Variants in TSHZ1 observed in about 807,000 individuals in gnomAD.
TSHZ1 encodes teashirt homolog 1.
In TSHZ1, 12 loss-of-function variants were observed where a neutral mutation model predicts 67.1. The observed-to-expected ratio is 0.18, with a 90% confidence interval of 0.11 to 0.29. The LOEUF is 0.29. Ranked by LOEUF, TSHZ1 falls within the 10% of genes least tolerant of loss-of-function variation. TSHZ1 has a pLI of 1.00. For synonymous variants in TSHZ1, 632 were observed against 622.4 expected, an observed-to-expected ratio of 1.02 and a Z score of -0.23; for missense variants, 1,305 against 1,413.9, an observed-to-expected ratio of 0.92 and a Z score of 1.23.
intron 1 of TSHZ1, among the ~76,000 whole-genome samples, chr18:75,278,519 T>A (rs2122608418): frequency 6.6e-6 from 1 of 152,276 alleles, no homozygotes; most frequent in Non-Finnish European, 1.5e-5. Context: ...ATTCTGGCCC[T>A]GGGATCTGGT....
intron 1 of TSHZ1, among the ~76,000 whole-genome samples, chr18:75,226,563 T>G (rs2022928279): frequency 6.6e-6 from 1 of 151,948 alleles, no homozygotes; most frequent in South Asian, 2.1e-4. Flanking sequence ...GTTCAATCTG[T>G]TTTTCAACTT....
At chr18:75,256,955 C>T (rs989285509) in intron 1 of TSHZ1, among the ~76,000 whole-genome samples, 4 of 152,090 alleles carry the variant, frequency 2.6e-5, no homozygotes, top group African/African-American at 9.7e-5. Context: ...TTATGATACA[C>T]TTATGGGGAA....
Position 75,226,046 on chromosome 18 carries a change from G to A in TSHZ1, c.40+14130G>A, listed in dbSNP as rs143331854. Among the ~76,000 whole-genome samples, 161 of 152,282 alleles carry A rather than the reference G, an allele frequency of 1.1e-3. 1 individual carries two copies. The highest frequency in any genetic ancestry group is 1.9e-3 in the Non-Finnish European group (126 of 68,022). ...CCCTTAGCAGGCATCAGATTCAAAC[G>A]ATGCAACTCAGTAGGTGTGGGGGCA... On this transcript the variant is annotated intron_variant, in intron 1 of 1. Transcript: ENST00000580243.
chr18:75,278,866 G>T (rs780370373), intron 1 of TSHZ1, among the ~76,000 whole-genome samples: 5 of 152,186 alleles, frequency 3.3e-5, no homozygotes, highest in Non-Finnish European at 7.4e-5. Context: ...AATGATGCGA[G>T]GAAGAGGGTA....
intron 1 of TSHZ1, among the ~76,000 whole-genome samples, chr18:75,274,315 C>T (rs532769208): frequency 2.0e-5 from 3 of 152,214 alleles, no homozygotes; most frequent in South Asian, 4.2e-4. Context: ...TTCAAGCTTA[C>T]TCATTCATCA....
chr18:75,269,559 AC>A (rs2023532907), intron 1 of TSHZ1, among the ~76,000 whole-genome samples: 1 of 151,944 alleles, frequency 6.6e-6, no homozygotes, highest in African/African-American at 2.4e-5. Context: ...AGCAGAGCTG[AC>A]TCCACAGAGG....
chr18:75,218,299 GC>G (rs2022799490), intron 1 of TSHZ1, among the ~76,000 whole-genome samples: 1 of 152,204 alleles, frequency 6.6e-6, no homozygotes. Flanking sequence ...CATTTTTCCA[GC>G]CCAGCTGTCT....
chr18:75,233,346 G>A (rs1391638280), intron 1 of TSHZ1, among the ~76,000 whole-genome samples: 1 of 152,106 alleles, frequency 6.6e-6, no homozygotes, highest in African/African-American at 2.4e-5. Context: ...ACTTTACTTA[G>A]GAAAAACCTG....
intron 1 of TSHZ1, among the ~76,000 whole-genome samples, chr18:75,273,298 T>C (rs2023579447): frequency 6.6e-6 from 1 of 152,164 alleles, no homozygotes; most frequent in Non-Finnish European, 1.5e-5. Context: ...TTGTGCATAA[T>C]TGGGGTACAG....
chr18:75,267,693 G>A (rs1199446511), intron 1 of TSHZ1, among the ~76,000 whole-genome samples: 2 of 152,224 alleles, frequency 1.3e-5, no homozygotes, highest in African/African-American at 4.8e-5. Context: ...AAGAGGAAGA[G>A]AGACCTTTCG....
At chr18:75,246,319 G>A (rs561700067) in intron 1 of TSHZ1, among the ~76,000 whole-genome samples, 13 of 152,086 alleles carry the variant, frequency 8.5e-5, no homozygotes, top group African/African-American at 2.9e-4. Flanking sequence ...AGTGGGAAGC[G>A]TCTCTTCTCA....
chr18:75,276,669 A>G (rs1246875713), intron 1 of TSHZ1, among the ~76,000 whole-genome samples: 3 of 152,234 alleles, frequency 2.0e-5, no homozygotes, highest in Non-Finnish European at 4.4e-5. Flanking sequence ...GAGTAAATGT[A>G]TTTTGATATA....
intron 1 of TSHZ1, among the ~76,000 whole-genome samples, chr18:75,256,907 A>T (rs1042345163): frequency 5.9e-5 from 9 of 152,202 alleles, no homozygotes; most frequent in Non-Finnish European, 1.2e-4. Flanking sequence ...TTATGTTTTA[A>T]TCTTTAAGTT....
chr18:75,228,570 A>G (rs1422637308), intron 1 of TSHZ1, among the ~76,000 whole-genome samples: 1 of 152,238 alleles, frequency 6.6e-6, no homozygotes, highest in Non-Finnish European at 1.5e-5. Context: ...CTGTGGGGAG[A>G]ACGCACAGTT....
At chr18:75,215,889 T>C (rs1362606805) in intron 1 of TSHZ1, among the ~76,000 whole-genome samples, 4 of 152,114 alleles carry the variant, frequency 2.6e-5, no homozygotes, top group African/African-American at 4.8e-5. Context: ...TTTTGTCAGC[T>C]ACTTAAGGCT....
At position 75,287,172 on chromosome 18, in the gene TSHZ1, G is replaced by A. The variant is rs200629224; in HGVS notation, c.1765G>A (p.Val589Met). The A allele has an allele frequency of 6.8e-6, 11 of 1,613,746 alleles. No individual in the cohort carries two copies. Among genetic ancestry groups the A allele is most frequent in the Admixed American group, 6.7e-5 (4 of 60,018 alleles). Residue 589 changes from valine to methionine, a missense_variant, in exon 2 of 2, where the codon GTG becomes ATG. This residue lies in a region of TSHZ1 where 909 missense variants were observed against 961.8 expected (regional missense o/e 0.95). Transcript: ENST00000580243. The surrounding 1 kb of genome is among the most constrained non-coding windows in gnomAD (Gnocchi z 5.0). ...TGCAGCCTACCAGCTCCCGGGCACC[G>A]TGAAGCCACTGCCGGCGGCCGTGCA... ...IHAAYQLPGT[V>M]KPLPAAVQSV...
intron 1 of TSHZ1, among the ~76,000 whole-genome samples, chr18:75,243,253 G>A (rs2023180005): frequency 6.6e-6 from 1 of 152,234 alleles, no homozygotes; most frequent in African/African-American, 2.4e-5. Flanking sequence ...GTAAAGTGGT[G>A]TAGCTCCGAT....
At chr18:75,225,748 G>T (rs574151349) in intron 1 of TSHZ1, among the ~76,000 whole-genome samples, 6 of 150,828 alleles carry the variant, frequency 4.0e-5, no homozygotes, top group Non-Finnish European at 8.9e-5. Flanking sequence ...TCTCGGTGGC[G>T]GGTTTTACTT....
At chr18:75,265,204 A>G (rs1337772925) in intron 1 of TSHZ1, among the ~76,000 whole-genome samples, 1 of 152,190 alleles carries the variant, frequency 6.6e-6, no homozygotes, top group African/African-American at 2.4e-5. Context: ...TTTTAAGAGA[A>G]ATTTGTCTTT....
Sources: gnomAD v4.1 joint callset for allele counts (sites outside exome capture counted in the v4.1 genomes callset) on GRCh38, gnomAD v4.1.1 for gene constraint, gnomAD v4.1.1 regional missense constraint, Gnocchi (gnomAD v3.1) non-coding constraint, MANE v1.5 for transcripts, NCBI Gene and HGNC (gene_info 2026-07-23, HGNC 2026-07-21) for gene names.